MCFD2: variants seen among roughly 807,000 people sequenced by gnomAD.
The protein encoded by MCFD2 is multiple coagulation factor deficiency protein 2.
Under a neutral mutation model 12.8 loss-of-function variants are expected in MCFD2, and 11 were observed. The observed-to-expected ratio is 0.86, with a 90% confidence interval of 0.54 to 1.42. MCFD2 has a LOEUF of 1.42. MCFD2 is among the 40% of genes most tolerant of loss of function. The pLI is 0.00. For synonymous variants in MCFD2, 70 were observed against 68.1 expected (o/e 1.03, Z -0.14); for missense variants, 191 against 178.6 (o/e 1.07, Z -0.40).
chr2:46,907,448 G>A lies in MCFD2; in HGVS notation c.309+362C>T, dbSNP rs1400137175. The A allele has an allele frequency of 3.6e-5, 11 of 308,830 alleles. No individual in the cohort carries two copies. Among genetic ancestry groups the A allele is most frequent in the Non-Finnish European group, 6.3e-5 (10 of 158,416 alleles). The allele number at this position is 308,830 out of a possible 1,614,324, so 19.1% of individuals were successfully genotyped here. On this transcript the variant is annotated intron_variant, in intron 3 of 3. Transcript: ENST00000319466. This position sits in a 1 kb window ranked among gnomAD's most constrained non-coding sequence, Gnocchi z 4.1. ...TGCCCAGGCTGAAGTGCGGTGGCAT[G>A]ATTATGGCTCACTATAGCCTCGACA...
At chr2:46,922,031 A>C (rs752228341) in intron 1 of MCFD2, among the ~76,000 whole-genome samples, 1 of 152,178 alleles carries the variant, frequency 6.6e-6, no homozygotes, top group Admixed American at 6.5e-5. Context: ...GGGAACGATA[A>C]GTTTTTGGAT....
At chr2:46,911,703 C>T (rs948172899) in intron 1 of MCFD2, among the ~76,000 whole-genome samples, 2 of 151,678 alleles carry the variant, frequency 1.3e-5, no homozygotes, top group South Asian at 4.2e-4. Flanking sequence ...GGGCAGATCA[C>T]GAGGTCAGGA....
intron 1 of MCFD2, among the ~76,000 whole-genome samples, chr2:46,928,536 G>A (rs12472148): frequency 1.3e-5 from 2 of 150,530 alleles, no homozygotes; most frequent in Non-Finnish European, 2.9e-5. Flanking sequence ...GTGGGAAGCC[G>A]AGACAGGTGG....
intron 1 of MCFD2, among the ~76,000 whole-genome samples, chr2:46,914,651 C>T (rs1009775476): frequency 7.9e-5 from 12 of 152,312 alleles, no homozygotes; most frequent in Middle Eastern, 3.4e-3. Flanking sequence ...TCGACAAACT[C>T]CTCTCACACA....
intron 1 of MCFD2, among the ~76,000 whole-genome samples, chr2:46,932,955 C>G (rs897715087): frequency 6.6e-6 from 1 of 151,540 alleles, no homozygotes; most frequent in Non-Finnish European, 1.5e-5. Context: ...CTCAAAACTG[C>G]TATAATCTCT....
At chr2:46,924,248 A>G (rs1319216706) in intron 1 of MCFD2, among the ~76,000 whole-genome samples, 29 of 151,544 alleles carry the variant, frequency 1.9e-4, no homozygotes, top group Admixed American at 1.9e-3. Flanking sequence ...AAAAAAAAAA[A>G]TCTCAAAGTC....
At chr2:46,930,346 A>G (rs1299075123) in intron 1 of MCFD2, among the ~76,000 whole-genome samples, 1 of 151,930 alleles carries the variant, frequency 6.6e-6, no homozygotes, top group Non-Finnish European at 1.5e-5. Context: ...AAATAGCACT[A>G]TAAATTCTAC....
At chr2:46,913,949 C>G (rs1319252036) in intron 1 of MCFD2, 1 of 152,470 alleles carries the variant, frequency 6.6e-6, no homozygotes, top group Non-Finnish European at 1.5e-5. Flanking sequence ...CGACCTCAGT[C>G]TGTAGCCTCT....
intron 1 of MCFD2, 60 bp downstream of exon 1, chr2:46,915,663 C>A (rs1177962496): frequency 3.1e-6 from 2 of 643,562 alleles, no homozygotes; most frequent in Non-Finnish European, 3.9e-6. Context: ...CCCAAGCCTC[C>A]AGCCCACAGG....
At chr2:46,939,274 G>GC (rs1670134049) in intron 1 of MCFD2, among the ~76,000 whole-genome samples, 1 of 151,868 alleles carries the variant, frequency 6.6e-6, no homozygotes, top group Admixed American at 6.6e-5. Flanking sequence ...AATAAAATTG[G>GC]CCAGGCGCAG....
In MCFD2 at chr2:46,908,582, C is replaced by G. The variant is rs905004203; in HGVS notation, c.149+441G>C. Reference sequence around the variant, plus strand: ...CCCAGCCTTAAAAACAAAGGATAACCGAGTATAATGCGTGAGGCTAACTGG... The same window carrying G: ...CCCAGCCTTAAAAACAAAGGATAACGGAGTATAATGCGTGAGGCTAACTGG... On this transcript the variant is annotated intron_variant, in intron 2 of 3. Coordinates refer to ENST00000319466, the MANE Select transcript of MCFD2 (RefSeq NM_139279.6). The surrounding 1 kb of genome is among the most constrained non-coding windows in gnomAD (Gnocchi z 4.5). The G allele has an allele frequency of 6.8e-6, 2 of 294,856 alleles. No individual in the cohort carries two copies. The highest frequency in any genetic ancestry group is 3.2e-5 in the South Asian group (1 of 31,396). The allele number at this position is 294,856 out of a possible 1,614,324, so 18.3% of individuals were successfully genotyped here. A position where few individuals can be genotyped will look rare whatever the true frequency, so the allele number is the denominator to read the frequency against.
In MCFD2 at chr2:46,909,185, A is replaced by G. The variant is rs1190058962; in HGVS notation, c.-6-8T>C. 4 of 1,612,210 alleles carry G rather than the reference A, an allele frequency of 2.5e-6. No individual in the cohort carries two copies. In the Admixed American group the frequency reaches 5.0e-5, roughly 20 times the overall value. ...TCTCATGGTCATCAATATCTGTGAG[A>G]TGGGAAACACAGAAGAGGAAGGCAG... On this transcript the variant is annotated splice_polypyrimidine_tract_variant and splice_region_variant and intron_variant, in intron 1 of 3. Transcript: ENST00000319466.
chr2:46,938,760 T>C (rs1188118887), intron 1 of MCFD2, among the ~76,000 whole-genome samples: 5 of 152,230 alleles, frequency 3.3e-5, no homozygotes, highest in East Asian at 1.9e-4. Flanking sequence ...ATGCCTGTAA[T>C]CCCAGCACTT....
At position 46,908,507 on chromosome 2, in the gene MCFD2, ACCTGCCTCAG is replaced by A; in HGVS notation, c.149+506_149+515del. 1 of 255,240 alleles carries A rather than the reference ACCTGCCTCAG, an allele frequency of 3.9e-6. No individual in the cohort carries two copies. Among genetic ancestry groups the A allele is most frequent in the Non-Finnish European group, 7.6e-6 (1 of 130,736 alleles). 15.8% of individuals were successfully genotyped at this position (255,240 alleles called of 1,614,324 possible). On this transcript the variant is annotated intron_variant, in intron 2 of 3. Coordinates refer to ENST00000319466, the MANE Select transcript of MCFD2 (RefSeq NM_139279.6). This position sits in a 1 kb window ranked among gnomAD's most constrained non-coding sequence, Gnocchi z 4.5. ...TCGAATTCCTGGGCTCAAGTAATCC[ACCTGCCTCAG>A]CCTCCCAAAGCACTGGGATTACAGG...
chr2:46,930,911 T>A (rs13430703), intron 1 of MCFD2, among the ~76,000 whole-genome samples: 5,330 of 152,148 alleles, frequency 0.035, 120 homozygotes, highest in Non-Finnish European at 0.053. Context: ...AAGAAAAAAA[T>A]ATATATACCC....
In MCFD2 at chr2:46,907,786, C is replaced by A. The variant is rs1668305454; in HGVS notation, c.309+24G>T. Reference sequence around the variant, plus strand: ...AAGGGAAGCCTTTCTGTGATACAGTCCCCCAAGCCACTGCCAGACCTACCT... The same window carrying A: ...AAGGGAAGCCTTTCTGTGATACAGTACCCCAAGCCACTGCCAGACCTACCT... On this transcript the variant is annotated intron_variant, in intron 3 of 3. Transcript: ENST00000319466. The surrounding 1 kb of genome is among the most constrained non-coding windows in gnomAD (Gnocchi z 4.1). 1.9e-6 allele frequency: 3 copies of A among 1,612,602 alleles called. No homozygotes were observed. Among genetic ancestry groups the A allele is most frequent in the Non-Finnish European group, 2.5e-6 (3 of 1,178,892 alleles).
chr2:46,934,510 G>A (rs1421660925), intron 1 of MCFD2, among the ~76,000 whole-genome samples: 1 of 152,084 alleles, frequency 6.6e-6, no homozygotes, highest in Admixed American at 6.6e-5. Flanking sequence ...CTGACCTCAA[G>A]TGATCCACCC....
chr2:46,905,833 T>C, intron 3 of MCFD2: 1 of 607,526 alleles, frequency 1.6e-6, no homozygotes, highest in Non-Finnish European at 3.1e-6. Flanking sequence ...ATTGAGTCAA[T>C]TTATCATAAT....
rs1454119265 is a variant in MCFD2, at chr2:46,905,682, T to C, written c.310-88A>G. ...CGTCCAAAATATCCATGTTCTTTCA[T>C]GGCACTGTTTATTAAAAAAAAAAAA... On this transcript the variant is annotated intron_variant, in intron 3 of 3. Transcript: ENST00000319466. 4 of 978,674 alleles carry C rather than the reference T, an allele frequency of 4.1e-6. No individual in the cohort carries two copies. The African/African-American group carries it at 5.2e-5, about 13-fold the overall frequency. 60.6% of individuals were successfully genotyped at this position (978,674 alleles called of 1,614,324 possible).
Sources: allele counts gnomAD v4.1 joint callset (sites outside exome capture counted in the v4.1 genomes callset), GRCh38; gene constraint gnomAD v4.1.1; non-coding constraint Gnocchi (gnomAD v3.1); transcripts MANE v1.5; gene names NCBI Gene and HGNC (gene_info 2026-07-23, HGNC 2026-07-21).